COX15: variants seen among roughly 807,000 people sequenced by gnomAD.
COX15 encodes heme A synthase COX15.
In COX15, 51 loss-of-function variants were observed where a neutral mutation model predicts 51.9. The observed-to-expected ratio is 0.98, with a 90% CI of 0.78 to 1.24. The LOEUF (loss-of-function observed/expected upper bound fraction) is 1.24, where lower values mean the gene tolerates loss of function less well. Ranked by LOEUF, COX15 falls within the 50% of genes most tolerant of loss-of-function variation. The pLI, the probability that COX15 is intolerant of heterozygous loss-of-function variation, is 0.00. For missense variants in COX15, 420 were observed against 501.1 expected, an observed-to-expected ratio of 0.84 and a Z score of 1.55; for synonymous variants, 188 against 190.5, an observed-to-expected ratio of 0.99 and a Z score of 0.11.
intron 2 of COX15, among the ~76,000 whole-genome samples, chr10:99,729,057 A>G (rs1051671290): frequency 2.6e-5 from 4 of 152,236 alleles, no homozygotes; most frequent in African/African-American, 9.6e-5. Context: ...GCTCCTACTA[A>G]TAAAACACTC....
rs879397905 is a variant in COX15, at chr10:99,712,388, CTTAA to C, written c.*2195_*2198del. The C allele has an allele frequency of 2.0e-6, 2 of 985,366 alleles. No individual in the cohort carries two copies. Among genetic ancestry groups the C allele is most frequent in the African/African-American group, 1.7e-5 (1 of 57,344 alleles). 61.0% of individuals were successfully genotyped at this position (985,366 alleles called of 1,614,324 possible). ...AAAATCTTGAAATTAGTTCCCAACA[CTTAA>C]TTGAGAGCTTTCACAGAAAAATCTA... On this transcript the variant is annotated 3_prime_UTR_variant, in exon 9 of 9. Transcript: ENST00000016171.
Position 99,713,193 on chromosome 10 carries a change from G to A in COX15, c.*1394C>T. On this transcript the variant is annotated 3_prime_UTR_variant, in exon 9 of 9. Transcript: ENST00000016171. ...ATAATAACAACATGAATACTACTTG[G>A]TTCATATTGAACCTGAGGACAACTA... is the stretch of plus-strand genomic sequence containing the variant. The A allele has an allele frequency of 7.2e-7, 1 of 1,385,698 alleles. No homozygotes were observed. Among genetic ancestry groups the A allele is most frequent in the Non-Finnish European group, 9.4e-7 (1 of 1,061,760 alleles). 85.8% of individuals were successfully genotyped at this position (1,385,698 alleles called of 1,614,324 possible).
chr10:99,706,752 T>G (rs2036261797), downstream of COX15, among the ~76,000 whole-genome samples: 1 of 152,228 alleles, frequency 6.6e-6, no homozygotes, highest in South Asian at 2.1e-4. Flanking sequence ...GTGAACCTTA[T>G]GAATGCTGCT....
At chr10:99,695,471 G>A in the COX15 span, among the ~76,000 whole-genome samples, 8 of 151,530 alleles carry the variant, frequency 5.3e-5, no homozygotes, top group East Asian at 5.8e-4. Flanking sequence ...GCAGTGAGCC[G>A]AGAGCATGCC....
chr10:99,709,373 T>C, downstream of COX15: 1 of 985,400 alleles, frequency 1.0e-6, no homozygotes, highest in Non-Finnish European at 1.2e-6. Context: ...AAATAGCAGA[T>C]GTTTCAAATT....
chr10:99,700,864 C>G, the COX15 span: 3 of 853,178 alleles, frequency 3.5e-6, no homozygotes, highest in African/African-American at 5.1e-5. Context: ...TTTCCTTTGT[C>G]AGCTGGTAGC....
chr10:99,702,542 C>A, the COX15 span: 1 of 1,602,780 alleles, frequency 6.2e-7, no homozygotes, highest in East Asian at 2.3e-5. Flanking sequence ...CTTGGATGTA[C>A]CAAGTCTTAC....
At chr10:99,705,551 C>T in the COX15 span, 1 of 152,110 alleles carries the variant, frequency 6.6e-6, no homozygotes. Flanking sequence ...TGAGCCCTTA[C>T]ACAGGAAGAT....
At chr10:99,698,286 C>T in the COX15 span, among the ~76,000 whole-genome samples, 1 of 152,210 alleles carries the variant, frequency 6.6e-6, no homozygotes, top group African/African-American at 2.4e-5. Context: ...AATTTCACTA[C>T]AGACTAGGAA....
At chr10:99,704,408 A>C in the COX15 span, 6 of 1,597,638 alleles carry the variant, frequency 3.8e-6, no homozygotes, top group Admixed American at 1.0e-4. Context: ...TCCCTTTGAA[A>C]CTTAACAGTT....
chr10:99,695,914 C>A, the COX15 span: 1 of 1,570,002 alleles, frequency 6.4e-7, no homozygotes, highest in Non-Finnish European at 8.6e-7. Flanking sequence ...TAGAAGGCAA[C>A]CAAAACTAAA....
At position 99,724,019 on chromosome 10, in the gene COX15, T is replaced by A; in HGVS notation, c.687A>T (p.Ser229=). The A allele has an allele frequency of 1.2e-6, 2 of 1,614,136 alleles. No individual in the cohort carries two copies. Among genetic ancestry groups the A allele is most frequent in the African/African-American group, 2.7e-5 (2 of 75,024 alleles). ...SQYRLAAHLG[S]ALVLYCASLW... ...AGCTGGCACAATAAAGAACCAGGGC[T>A]GATCCCAGGTGGGCAGCAAGGCGGT... is the stretch of plus-strand genomic sequence containing the variant. The change falls in exon 5 of 9, where the codon TCA becomes TCT. Residue 229 remains serine (S), a synonymous_variant. Coordinates refer to ENST00000016171, the MANE Select transcript of COX15 (RefSeq NM_078470.6).
rs1487332306 is a variant in COX15 at position 99,727,162 on chromosome 10, AAATGG to A, written c.396-13_396-9del. On this transcript the variant is annotated splice_polypyrimidine_tract_variant and intron_variant, in intron 3 of 8. Transcript: ENST00000016171. ...GTCATATCATGATTCAAGCTGGGTG[AAATGG>A]AAAGTCAAAAAAGGAGGAGGAGGAA... 6.2e-7 allele frequency: 1 copy of A among 1,613,978 alleles called. No individual in the cohort carries two copies. Among genetic ancestry groups the A allele is most frequent in the East Asian group, 2.2e-5 (1 of 44,878 alleles).
intron 4 of COX15, 117 bp from the exon 5 acceptor site, chr10:99,724,240 T>A: frequency 8.5e-7 from 1 of 1,179,614 alleles, no homozygotes; most frequent in Non-Finnish European, 1.2e-6. Flanking sequence ...TGGAGTGCAG[T>A]GGCGGGATCT....
At chr10:99,724,271 C>A in intron 4 of COX15, 148 bp from the exon 5 acceptor site, 1 of 880,604 alleles carries the variant, frequency 1.1e-6, no homozygotes, top group South Asian at 1.4e-5. Flanking sequence ...CAATCTCCGC[C>A]TCCCAGGTTC....
chr10:99,699,573 T>C, the COX15 span, among the ~76,000 whole-genome samples: 7 of 152,186 alleles, frequency 4.6e-5, no homozygotes, highest in African/African-American at 1.7e-4. Context: ...CTCATATTTC[T>C]TTTTTTCTTG....
At chr10:99,727,868 A>G (rs1284967132) in intron 2 of COX15, among the ~76,000 whole-genome samples, 1 of 152,114 alleles carries the variant, frequency 6.6e-6, no homozygotes, top group African/African-American at 2.4e-5. Context: ...CCCTACAGCC[A>G]AAGAAATGTG....
chr10:99,730,969 T>A (rs2037120039), intron 1 of COX15, among the ~76,000 whole-genome samples: 1 of 152,078 alleles, frequency 6.6e-6, no homozygotes, highest in Admixed American at 6.6e-5. Context: ...GGTAAGAGGA[T>A]GCTTGAGGCC....
chr10:99,723,901 T>G (rs1590096605), intron 5 of COX15, 55 bp downstream of exon 5: 2 of 1,587,510 alleles, frequency 1.3e-6, no homozygotes, highest in Middle Eastern at 4.2e-4. Flanking sequence ...TAGATATATA[T>G]CCAAAAGAAC....
Sources: gnomAD v4.1 joint callset for allele counts (sites outside exome capture counted in the v4.1 genomes callset) on GRCh38, gnomAD v4.1.1 for gene constraint, MANE v1.5 for transcripts, NCBI Gene and HGNC (gene_info 2026-07-23, HGNC 2026-07-21) for gene names.